The following EPB41L1 variants were observed in gnomAD, a reference collection of about 807,000 sequenced individuals.
EPB41L1 encodes band 4.1-like protein 1.
In EPB41L1, 29 loss-of-function variants were observed where a neutral mutation model predicts 97.8. The ratio of observed to expected loss-of-function variants is 0.30; its 90% CI spans 0.22 to 0.40. The LOEUF is 0.40. EPB41L1 is among the 10% of genes least tolerant of loss of function. The probability of loss-of-function intolerance (pLI) is 1.00; values close to 1 mark genes in which losing one functional copy is unlikely to be tolerated. For synonymous variants in EPB41L1, 383 were observed against 459.2 expected (o/e 0.83, Z 2.12); for missense variants, 812 against 1,162.3 (o/e 0.70, Z 4.38).
At chr20:36,091,604 G>C (rs1212134377) in exon 1 of EPB41L1, 1 of 152,230 alleles carries the variant, frequency 6.6e-6, no homozygotes, top group Non-Finnish European at 1.5e-5. Context: ...TGCCACTTAA[G>C]TGAGACAAGT....
chr20:36,151,881 C>A (rs1333638501), upstream of EPB41L1: 2 of 152,180 alleles, frequency 1.3e-5, no homozygotes, highest in Admixed American at 1.3e-4. Flanking sequence ...GCGGGCGGAT[C>A]ACGAGGTCAG....
At chr20:36,104,589 C>T (rs2058130995) in intron 1 of EPB41L1, among the ~76,000 whole-genome samples, 1 of 152,020 alleles carries the variant, frequency 6.6e-6, no homozygotes, top group Non-Finnish European at 1.5e-5. Flanking sequence ...CCCTCTCTGC[C>T]CAGGCTTGTG....
At chr20:36,158,032 C>T (rs1276317097) in intron 1 of EPB41L1, among the ~76,000 whole-genome samples, 3 of 152,200 alleles carry the variant, frequency 2.0e-5, no homozygotes, top group African/African-American at 7.2e-5. Flanking sequence ...ATACGTTCTT[C>T]ACAAAGCCCT....
chr20:36,228,058 C>T (rs1415113434), intron 21 of EPB41L1, among the ~76,000 whole-genome samples: 2 of 152,202 alleles, frequency 1.3e-5, no homozygotes, highest in Admixed American at 6.5e-5. Flanking sequence ...CTCTGGGCCT[C>T]GGTTTTCCTA....
chr20:36,204,007 C>A (rs2062651894), intron 14 of EPB41L1, among the ~76,000 whole-genome samples: 1 of 152,142 alleles, frequency 6.6e-6, no homozygotes, highest in African/African-American at 2.4e-5. Context: ...AAACCTTCCC[C>A]CTCCTGCTGC....
At chr20:36,125,319 G>A (rs1249188910) in intron 2 of EPB41L1, 3 of 654,342 alleles carry the variant, frequency 4.6e-6, no homozygotes, top group East Asian at 2.7e-5. Context: ...GGTGACCTAA[G>A]AGTCAGATGC....
At position 36,194,379 on chromosome 20, in the gene EPB41L1, C is replaced by A; in HGVS notation, c.1449+19C>A. Reference sequence around the variant, plus strand: ...GCTAAAGGTAGGAGCCTGGCTTTCTCATACTCTCTGCCCTGGGGATCAGGA... The same window carrying A: ...GCTAAAGGTAGGAGCCTGGCTTTCTAATACTCTCTGCCCTGGGGATCAGGA... On this transcript the variant is annotated intron_variant, in intron 12 of 21. Transcript: ENST00000338074. 6.3e-7 allele frequency: 1 copy of A among 1,590,420 alleles called. No individual in the cohort carries two copies. The highest frequency in any genetic ancestry group is 2.3e-5 in the East Asian group (1 of 43,534).
chr20:36,219,687 C>T, intron 18 of EPB41L1, 74 bp from the exon 19 acceptor site: 7 of 1,307,610 alleles, frequency 5.4e-6, no homozygotes, highest in South Asian at 2.4e-5. Flanking sequence ...CCCTTTACCC[C>T]ACCCCGCCCT....
intron 2 of EPB41L1, among the ~76,000 whole-genome samples, chr20:36,115,005 C>T (rs541029633): frequency 6.6e-6 from 1 of 152,110 alleles, no homozygotes; most frequent in Non-Finnish European, 1.5e-5. Flanking sequence ...CTGTAACTCC[C>T]CTCTTCAGTT....
intron 2 of EPB41L1, among the ~76,000 whole-genome samples, chr20:36,146,904 T>A: frequency 6.6e-6 from 1 of 150,480 alleles, no homozygotes; most frequent in East Asian, 1.9e-4. Flanking sequence ...CCCAGCACTG[T>A]GGGAGGCCAA....
rs1192825284 is a variant in EPB41L1, at chr20:36,187,671, C to T, written c.786-5C>T. 1 of 1,613,746 alleles carries T rather than the reference C, an allele frequency of 6.2e-7. No individual in the cohort carries two copies. Among genetic ancestry groups the T allele is most frequent in the South Asian group, 1.1e-5 (1 of 90,992 alleles). On this transcript the variant is annotated splice_polypyrimidine_tract_variant and splice_region_variant and intron_variant, in intron 7 of 21. Coordinates refer to ENST00000338074, the MANE Select transcript of EPB41L1 (RefSeq NM_012156.2). The stretch of plus-strand genomic sequence containing the variant: ...GGTCACCTGTGATCACTTTCTTTCC[C>T]TCAGGGGGATGACCCCGGGAGAAGC...
intron 21 of EPB41L1, among the ~76,000 whole-genome samples, chr20:36,224,781 G>C (rs1267821358): frequency 6.6e-6 from 1 of 152,022 alleles, no homozygotes; most frequent in Non-Finnish European, 1.5e-5. Flanking sequence ...GAAATATATA[G>C]AAAATTTAGG....
At chr20:36,123,278 G>A (rs2058824849) in intron 2 of EPB41L1, among the ~76,000 whole-genome samples, 1 of 152,092 alleles carries the variant, frequency 6.6e-6, no homozygotes, top group Non-Finnish European at 1.5e-5. Context: ...GTCTAGTTTG[G>A]GGGAAGAGGG....
intron 21 of EPB41L1, among the ~76,000 whole-genome samples, chr20:36,228,413 G>A (rs1343440753): frequency 1.3e-5 from 2 of 152,160 alleles, no homozygotes; most frequent in Non-Finnish European, 2.9e-5. Flanking sequence ...AAGAAGTTAA[G>A]AAACTTGCCA....
chr20:36,131,349 A>G (rs1263932795), intron 2 of EPB41L1, among the ~76,000 whole-genome samples: 1 of 151,866 alleles, frequency 6.6e-6, no homozygotes, highest in Non-Finnish European at 1.5e-5. Context: ...ACGTCAGGTG[A>G]TCCACCCACC....
At chr20:36,168,357 C>G (rs543326406) in intron 1 of EPB41L1, among the ~76,000 whole-genome samples, 12 of 152,320 alleles carry the variant, frequency 7.9e-5, no homozygotes, top group Middle Eastern at 6.8e-3. Context: ...ATGTTAGTGT[C>G]ATCAGTCTGG....
chr20:36,180,378 G>A (rs2061427891), intron 5 of EPB41L1, among the ~76,000 whole-genome samples: 1 of 152,192 alleles, frequency 6.6e-6, no homozygotes, highest in African/African-American at 2.4e-5. Context: ...GTAGGGCAAA[G>A]TAGGGCACCT....
intron 1 of EPB41L1, 67 bp from the exon 2 acceptor site, chr20:36,173,697 C>T: frequency 6.9e-7 from 1 of 1,448,238 alleles, no homozygotes; most frequent in East Asian, 2.3e-5. Flanking sequence ...CGTGTGGTTC[C>T]TGCCCCTCTC....
At chr20:36,131,816 A>C (rs2059221169) in intron 2 of EPB41L1, among the ~76,000 whole-genome samples, 1 of 152,120 alleles carries the variant, frequency 6.6e-6, no homozygotes, top group Non-Finnish European at 1.5e-5. Flanking sequence ...ATGCCAGGCT[A>C]CTGCTGTGGA....
Sources: allele counts gnomAD v4.1 joint callset (sites outside exome capture counted in the v4.1 genomes callset), GRCh38; gene constraint gnomAD v4.1.1; transcripts MANE v1.5; gene names NCBI Gene and HGNC (gene_info 2026-07-23, HGNC 2026-07-21).